The following HPSE2 variants were observed in gnomAD, a reference collection of about 807,000 sequenced individuals.
HPSE2 encodes the protein inactive heparanase-2.
Under a neutral mutation model 60.5 loss-of-function variants are expected in HPSE2, and 38 were observed. The observed-to-expected ratio is 0.63, with a 90% CI of 0.48 to 0.82. The LOEUF (loss-of-function observed/expected upper bound fraction) is 0.82, where lower values mean the gene tolerates loss of function less well. HPSE2 is among the 40% of genes least tolerant of loss of function. The pLI, the probability that HPSE2 is intolerant of heterozygous loss-of-function variation, is 0.00. For missense variants in HPSE2, 713 were observed against 740.4 expected, an observed-to-expected ratio of 0.96 and a Z score of 0.43; for synonymous variants, 295 against 293.2, an observed-to-expected ratio of 1.01 and a Z score of -0.06.
chr10:99,115,376 G>T (rs922679016), intron 3 of HPSE2, among the ~76,000 whole-genome samples: 2 of 151,908 alleles, frequency 1.3e-5, no homozygotes, highest in Non-Finnish European at 2.9e-5. Context: ...GGATGGTCTC[G>T]ATCTCCTGAC....
chr10:99,079,269 G>A (rs1843050402), intron 3 of HPSE2, among the ~76,000 whole-genome samples: 1 of 152,060 alleles, frequency 6.6e-6, no homozygotes, highest in East Asian at 1.9e-4. Context: ...TCCCTCCCCA[G>A]AGGGAAGCTG....
intron 9 of HPSE2, among the ~76,000 whole-genome samples, chr10:98,528,041 T>C (rs1174010949): frequency 2.0e-5 from 3 of 152,214 alleles, no homozygotes; most frequent in African/African-American, 7.2e-5. Flanking sequence ...CCTTCTATTG[T>C]AGCAGTGGCA....
chr10:98,743,203 C>G (rs969074342), intron 4 of HPSE2, among the ~76,000 whole-genome samples: 2 of 151,882 alleles, frequency 1.3e-5, no homozygotes, highest in Non-Finnish European at 2.9e-5. Context: ...AAATTCCTGA[C>G]CTCGTGATCC....
At chr10:99,257,374 C>A in the HPSE2 span, among the ~76,000 whole-genome samples, 6 of 152,138 alleles carry the variant, frequency 3.9e-5, no homozygotes. Flanking sequence ...TCACTGAATT[C>A]TTTTTCTCAG....
chr10:98,632,070 A>G (rs1034677490), intron 7 of HPSE2, among the ~76,000 whole-genome samples: 3 of 152,146 alleles, frequency 2.0e-5, no homozygotes, highest in Non-Finnish European at 2.9e-5. Context: ...TAAATAGTTG[A>G]TAAGTGTGGG....
chr10:98,764,516 T>C (rs1242253624), intron 3 of HPSE2, among the ~76,000 whole-genome samples: 1 of 152,080 alleles, frequency 6.6e-6, no homozygotes, highest in African/African-American at 2.4e-5. Flanking sequence ...AATTATACAC[T>C]ATGACAAGAA....
Position 99,144,269 on chromosome 10 carries a change from G to A in HPSE2, c.579C>T (p.Phe193=), listed in dbSNP as rs1845970377. 6.2e-7 allele frequency: 1 copy of A among 1,613,906 alleles called. No homozygotes were observed. The highest frequency in any genetic ancestry group is 8.5e-7 in the Non-Finnish European group (1 of 1,180,008). ...ATATGAGATTACTGTAAGTATTGGAGAATTGCTCCTTTAGAAGAACCAGAT... is the reference window on the plus strand; with the variant it reads ...ATATGAGATTACTGTAAGTATTGGAAAATTGCTCCTTTAGAAGAACCAGAT... ...QMHLVLLKEQ[F]SNTYSNLILT... is the part of the protein sequence containing the mutation. Residue 193 remains phenylalanine (F), a synonymous_variant, in exon 3 of 12, where the codon TTC becomes TTT. Transcript: ENST00000370552.
intron 3 of HPSE2, among the ~76,000 whole-genome samples, chr10:98,921,386 C>T (rs951109469): frequency 2.6e-5 from 4 of 152,128 alleles, no homozygotes; most frequent in African/African-American, 9.7e-5. Context: ...AGCTGAGAAG[C>T]TATGTACGTG....
At chr10:98,952,104 C>T (rs1373948080) in intron 3 of HPSE2, among the ~76,000 whole-genome samples, 1 of 152,122 alleles carries the variant, frequency 6.6e-6, no homozygotes, top group African/African-American at 2.4e-5. Flanking sequence ...ATGAGTGACC[C>T]CTTTCTGATT....
chr10:98,595,326 C>A (rs965918804), intron 9 of HPSE2, among the ~76,000 whole-genome samples: 1 of 151,960 alleles, frequency 6.6e-6, no homozygotes, highest in African/African-American at 2.4e-5. Flanking sequence ...CCCACCACCA[C>A]ACCTGGCAAA....
intron 2 of HPSE2, among the ~76,000 whole-genome samples, chr10:99,171,514 C>T (rs1847307913): frequency 1.3e-5 from 2 of 152,076 alleles, no homozygotes; most frequent in African/African-American, 4.8e-5. Flanking sequence ...TAAACAGAAG[C>T]TCTAGGATTA....
At chr10:98,548,705 G>A (rs942010284) in intron 9 of HPSE2, among the ~76,000 whole-genome samples, 1 of 152,102 alleles carries the variant, frequency 6.6e-6, no homozygotes, top group Non-Finnish European at 1.5e-5. Context: ...GCATTCCACA[G>A]TAGGAATTGC....
chr10:98,708,418 T>C (rs12354520), intron 5 of HPSE2, among the ~76,000 whole-genome samples: 91,336 of 149,260 alleles, frequency 0.61, 31,681 homozygotes, highest in Non-Finnish European at 0.79. Context: ...ATCACACCAC[T>C]GCACTCCAGC....
chr10:98,750,898 C>CA (rs1305049454), intron 3 of HPSE2, among the ~76,000 whole-genome samples: 1 of 152,006 alleles, frequency 6.6e-6, no homozygotes, highest in Non-Finnish European at 1.5e-5. Flanking sequence ...GCTGATTAAG[C>CA]AAAACATTTT....
At chr10:98,636,972 G>C (rs919207774) in intron 7 of HPSE2, among the ~76,000 whole-genome samples, 1 of 152,176 alleles carries the variant, frequency 6.6e-6, no homozygotes, top group African/African-American at 2.4e-5. Flanking sequence ...ACTGTGTCCT[G>C]AACTTTCTCA....
the HPSE2 span, among the ~76,000 whole-genome samples, chr10:99,315,608 T>C: frequency 6.6e-6 from 1 of 152,170 alleles, no homozygotes; most frequent in Non-Finnish European, 1.5e-5. Flanking sequence ...ATCTCTGGGC[T>C]CGGGCTACAC....
At chr10:98,785,594 A>G (rs370780619) in intron 3 of HPSE2, among the ~76,000 whole-genome samples, 3 of 135,210 alleles carry the variant, frequency 2.2e-5, no homozygotes, top group South Asian at 2.6e-4. Context: ...TGGTTGGTAA[A>G]CTATTGATTA....
chr10:99,013,246 A>AT, intron 3 of HPSE2: 1 of 646,830 alleles, frequency 1.5e-6, no homozygotes, highest in Admixed American at 2.0e-5. Flanking sequence ...ACAGTTATGC[A>AT]TTTTTTAACA....
At position 98,641,923 on chromosome 10, in the gene HPSE2, C is replaced by T. The variant is rs140694252; in HGVS notation, c.1022G>A (p.Arg341Gln). ...CAGGAAGTCCATCACCTTGACCACC[C>T]GGCCATCAATGTAGCAACTGGAATA... ...VTWQHCYIDG[R>Q]VVKVMDFLKT... The change falls in exon 7 of 12, where the codon CGG becomes CAG. Residue 341 changes from arginine (R) to glutamine (Q), a missense_variant. By Grantham distance (43) the Arg-to-Gln change is conservative. Coordinates refer to ENST00000370552, the MANE Select transcript of HPSE2 (RefSeq NM_021828.5). The T allele has an allele frequency of 2.7e-4, 428 of 1,613,156 alleles. No homozygotes were observed. Among genetic ancestry groups the T allele is most frequent in the Non-Finnish European group, 3.4e-4 (404 of 1,179,484 alleles).
Sources: allele counts gnomAD v4.1 joint callset (sites outside exome capture counted in the v4.1 genomes callset), GRCh38; gene constraint gnomAD v4.1.1; transcripts MANE v1.5; gene names NCBI Gene and HGNC (gene_info 2026-07-23, HGNC 2026-07-21).